MARCHF1: variants seen among roughly 807,000 people sequenced by gnomAD.
MARCHF1 encodes membrane associated ring-CH-type finger 1.
Under a neutral mutation model 54.2 loss-of-function variants are expected in MARCHF1, and 40 were observed. The ratio of observed to expected loss-of-function variants is 0.74; its 90% CI spans 0.57 to 0.96. The LOEUF (loss-of-function observed/expected upper bound fraction) is 0.96, where lower values mean the gene tolerates loss of function less well. Among genes scored for constraint, MARCHF1 ranks in the 40% least tolerant of loss-of-function variants. The pLI is 0.00. For synonymous variants in MARCHF1, 236 were observed against 236.3 expected (o/e 1.00, Z 0.01); for missense variants, 586 against 656.5 (o/e 0.89, Z 1.17).
At chr4:164,108,052 C>CT (rs922939550) in intron 2 of MARCHF1, among the ~76,000 whole-genome samples, 1 of 151,756 alleles carries the variant, frequency 6.6e-6, no homozygotes, top group African/African-American at 2.4e-5. Flanking sequence ...TTTGTCCTAC[C>CT]TTTTTTTTCT....
intron 1 of MARCHF1, among the ~76,000 whole-genome samples, chr4:164,309,265 TGTGTGTGTGTGTGTGTGTGCGC>T (rs964303426): frequency 6.6e-6 from 1 of 151,334 alleles, no homozygotes; most frequent in Non-Finnish European, 1.5e-5. Flanking sequence ...TGTGTGTGTG[TGTGTGTGTGTGTGTGTGTGCGC>T]GTGTGTGTCT....
intron 1 of MARCHF1, among the ~76,000 whole-genome samples, chr4:164,252,939 T>C (rs1254287379): frequency 6.6e-6 from 1 of 152,052 alleles, no homozygotes; most frequent in African/African-American, 2.4e-5. Flanking sequence ...AATCTATATT[T>C]GAAGAAATAA....
rs139653497 is a variant in MARCHF1, at chr4:164,082,774, T to C, written c.-248+28814A>G. On this transcript the variant is annotated intron_variant, in intron 2 of 9. Transcript: ENST00000514618. Reference sequence around the variant, plus strand: ...ATGTGATCAGTCCTGAAATTAACCATATTTAGTGCCTTCATCCTAACTTGC... The same window carrying C: ...ATGTGATCAGTCCTGAAATTAACCACATTTAGTGCCTTCATCCTAACTTGC... 1.5e-3 allele frequency among the ~76,000 whole-genome samples: 228 copies of C among 152,294 alleles called. 1 individual carries two copies. Among genetic ancestry groups the C allele is most frequent in the Middle Eastern group, 0.014 (4 of 294 alleles).
At chr4:164,045,145 TA>T (rs759515689) in intron 2 of MARCHF1, among the ~76,000 whole-genome samples, 2 of 151,728 alleles carry the variant, frequency 1.3e-5, no homozygotes, top group Non-Finnish European at 2.9e-5. Context: ...AAACAAAAAA[TA>T]AACAACAATA....
intron 1 of MARCHF1, among the ~76,000 whole-genome samples, chr4:164,160,302 C>G (rs1202025302): frequency 6.6e-6 from 1 of 152,096 alleles, no homozygotes; most frequent in African/African-American, 2.4e-5. Flanking sequence ...ATGGTATAGC[C>G]TATTCCTCCT....
intron 4 of MARCHF1, among the ~76,000 whole-genome samples, chr4:163,825,991 G>A (rs1219043453): frequency 6.6e-6 from 1 of 151,938 alleles, no homozygotes; most frequent in Admixed American, 6.6e-5. Context: ...TACAACATGA[G>A]TAAAATATTT....
intron 8 of MARCHF1, chr4:163,584,809 A>G (rs1203916842): frequency 1.3e-5 from 2 of 151,040 alleles, no homozygotes; most frequent in African/African-American, 2.4e-5. Context: ...TTTCCAGGCA[A>G]TGTCCTATAA....
At chr4:164,178,332 T>C (rs977840030) in intron 1 of MARCHF1, among the ~76,000 whole-genome samples, 1 of 152,130 alleles carries the variant, frequency 6.6e-6, no homozygotes, top group Admixed American at 6.6e-5. Context: ...CAGAAAAGCC[T>C]CTGGACAGAG....
intron 2 of MARCHF1, among the ~76,000 whole-genome samples, chr4:163,996,691 G>A (rs1259883151): frequency 6.6e-6 from 1 of 151,904 alleles, no homozygotes; most frequent in Admixed American, 6.6e-5. Flanking sequence ...GTCTTATTAG[G>A]TCTACATATA....
At position 164,340,416 on chromosome 4, in the gene MARCHF1, T is replaced by G. The variant is rs928117179; in HGVS notation, c.-323+43454A>C. On this transcript the variant is annotated intron_variant, in intron 1 of 9. Transcript: ENST00000514618. ...CACCAGGCCTTGATTTATATATAGA[T>G]ATATATATATATATATATAGTTTGT... 1.1e-4 allele frequency among the ~76,000 whole-genome samples: 12 copies of G among 107,432 alleles called. 1 individual carries two copies. Among genetic ancestry groups the G allele is most frequent in the Non-Finnish European group, 2.2e-4 (12 of 53,658 alleles). The allele number at this position is 107,432 out of a possible 152,430, so 70.5% of individuals were successfully genotyped here. A position where few individuals can be genotyped will look rare whatever the true frequency, so the allele number is the denominator to read the frequency against.
At chr4:163,662,065 ATCT>A (rs1185120818) in intron 5 of MARCHF1, among the ~76,000 whole-genome samples, 1 of 152,030 alleles carries the variant, frequency 6.6e-6, no homozygotes, top group Non-Finnish European at 1.5e-5. Context: ...TTGGAATAAA[ATCT>A]TTTTTTTCTT....
chr4:163,606,968 T>C (rs191888674), intron 7 of MARCHF1, among the ~76,000 whole-genome samples: 18 of 152,202 alleles, frequency 1.2e-4, no homozygotes, highest in Admixed American at 1.2e-3. Context: ...TTCTCTTTTC[T>C]GTTAGGCTGC....
intron 5 of MARCHF1, among the ~76,000 whole-genome samples, chr4:163,614,637 T>G (rs141961927): frequency 6.6e-6 from 1 of 152,256 alleles, no homozygotes; most frequent in African/African-American, 2.4e-5. Flanking sequence ...CAGGTCATAT[T>G]TGAAGAGAAG....
Position 163,640,650 on chromosome 4 carries a change from A to G in MARCHF1, c.163-27257T>C, listed in dbSNP as rs141628886. Among the ~76,000 whole-genome samples, 1,429 of 152,252 alleles carry G rather than the reference A, an allele frequency of 9.4e-3. 12 individuals are homozygous for G. The highest frequency in any genetic ancestry group is 0.016 in the Non-Finnish European group (1,063 of 68,002). Reference sequence around the variant, plus strand: ...ATACCAAAAAAAATTCAGCAAACCAACTACAGCATATTTAGCAGCCTGATC... The same window carrying G: ...ATACCAAAAAAAATTCAGCAAACCAGCTACAGCATATTTAGCAGCCTGATC... On this transcript the variant is annotated intron_variant, in intron 5 of 9. Transcript: ENST00000514618.
intron 3 of MARCHF1, among the ~76,000 whole-genome samples, chr4:163,964,417 T>G (rs1752402119): frequency 6.6e-6 from 1 of 151,672 alleles, no homozygotes; most frequent in South Asian, 2.1e-4. Context: ...TTATGACAGT[T>G]TTTTTCCACC....
intron 4 of MARCHF1, among the ~76,000 whole-genome samples, chr4:163,803,183 G>T (rs908765551): frequency 3.9e-5 from 6 of 151,946 alleles, no homozygotes; most frequent in Admixed American, 3.9e-4. Context: ...ATTATTAATT[G>T]TTTTTTTGAG....
chr4:163,912,737 G>A (rs1751221753), intron 3 of MARCHF1, among the ~76,000 whole-genome samples: 1 of 152,158 alleles, frequency 6.6e-6, no homozygotes, highest in Non-Finnish European at 1.5e-5. Context: ...TACCGTGGCT[G>A]CATAAGAGTG....
At chr4:164,063,576 C>G (rs898506361) in intron 2 of MARCHF1, among the ~76,000 whole-genome samples, 3 of 152,186 alleles carry the variant, frequency 2.0e-5, no homozygotes, top group South Asian at 4.1e-4. Context: ...TCTCAAGTAG[C>G]TCTATTTGTC....
intron 4 of MARCHF1, among the ~76,000 whole-genome samples, chr4:163,784,959 T>C (rs1747574698): frequency 6.6e-6 from 1 of 152,128 alleles, no homozygotes; most frequent in South Asian, 2.1e-4. Flanking sequence ...ATCTGATCTG[T>C]AGGCCTCTCA....
Sources: gnomAD v4.1 joint callset for allele counts (sites outside exome capture counted in the v4.1 genomes callset) on GRCh38, gnomAD v4.1.1 for gene constraint, MANE v1.5 for transcripts, NCBI Gene and HGNC (gene_info 2026-07-23, HGNC 2026-07-21) for gene names.